Variants in CAV3 observed in about 807,000 individuals in gnomAD.
The protein encoded by CAV3 is caveolin 3.
Under a neutral mutation model 13.4 loss-of-function variants are expected in CAV3, and 10 were observed. The observed-to-expected ratio is 0.75, with a 90% CI of 0.46 to 1.27. CAV3 has a LOEUF of 1.27. Ranked by LOEUF, CAV3 falls within the 50% of genes most tolerant of loss-of-function variation. The probability of loss-of-function intolerance (pLI) is 0.00; values close to 1 mark genes in which losing one functional copy is unlikely to be tolerated. For synonymous variants in CAV3, 90 were observed against 79.0 expected, an observed-to-expected ratio of 1.14 and a Z score of -0.74; for missense variants, 162 against 194.0, an observed-to-expected ratio of 0.83 and a Z score of 0.98.
chr3:8,736,863 C>A (rs974781296), intron 1 of CAV3, among the ~76,000 whole-genome samples: 23 of 152,138 alleles, frequency 1.5e-4, no homozygotes, highest in Admixed American at 5.9e-4. Flanking sequence ...CTTTTTCTTT[C>A]TTTTATTTTT....
Position 8,733,981 on chromosome 3 carries a change from C to T in CAV3, c.105C>T (p.Asp35=), listed in dbSNP as rs934110580. ...GAGACCCCAAGAACATTAACGAGGACATAGTCAAGGTAGGCTCTGCAGGCC... is the reference window on the plus strand; with the variant it reads ...GAGACCCCAAGAACATTAACGAGGATATAGTCAAGGTAGGCTCTGCAGGCC... The part of the protein sequence containing the change: ...VNRDPKNINE[D]IVKVDFEDVI... Residue 35 remains aspartate (D), a synonymous_variant, in exon 1 of 2, where the codon GAC becomes GAT. Transcript: ENST00000343849. 1.9e-6 allele frequency: 3 copies of T among 1,597,940 alleles called. No individual in the cohort carries two copies. The highest frequency in any genetic ancestry group is 2.7e-5 in the African/African-American group (2 of 74,230).
chr3:8,741,533 T>A (rs956276357), intron 1 of CAV3, among the ~76,000 whole-genome samples: 1 of 152,080 alleles, frequency 6.6e-6, no homozygotes, highest in Admixed American at 6.5e-5. Flanking sequence ...CGTCTCTGTG[T>A]AGAGTTGAAA....
chr3:8,738,627 C>T (rs1177432841), intron 1 of CAV3, among the ~76,000 whole-genome samples: 1 of 152,138 alleles, frequency 6.6e-6, no homozygotes, highest in Non-Finnish European at 1.5e-5. Flanking sequence ...AGGTGGTATC[C>T]ATGGTGCATC....
intron 1 of CAV3, among the ~76,000 whole-genome samples, chr3:8,743,949 G>C (rs1258128901): frequency 6.6e-6 from 1 of 151,652 alleles, no homozygotes; most frequent in African/African-American, 2.4e-5. Context: ...TTTTAATATT[G>C]GTGATGCAAT....
chr3:8,741,048 T>C (rs1707941285), intron 1 of CAV3, among the ~76,000 whole-genome samples: 1 of 152,264 alleles, frequency 6.6e-6, no homozygotes, highest in African/African-American at 2.4e-5. Context: ...TACACAGTTG[T>C]ATTCTTTTGT....
chr3:8,737,383 C>T (rs185688142), intron 1 of CAV3, among the ~76,000 whole-genome samples: 7 of 152,278 alleles, frequency 4.6e-5, no homozygotes, highest in East Asian at 1.9e-4. Flanking sequence ...CCACCAGTCA[C>T]GGCCGTTTCA....
chr3:8,742,409 C>T, intron 1 of CAV3: 1 of 373,490 alleles, frequency 2.7e-6, no homozygotes. Flanking sequence ...TTAAAAGACA[C>T]ATACAGAAGC....
chr3:8,740,987 T>G (rs1048148669), intron 1 of CAV3, among the ~76,000 whole-genome samples: 1 of 152,236 alleles, frequency 6.6e-6, no homozygotes, highest in Non-Finnish European at 1.5e-5. Context: ...CAAACTGACA[T>G]GCATAAAGGG....
intron 1 of CAV3, among the ~76,000 whole-genome samples, chr3:8,734,192 A>G (rs1707667818): frequency 6.6e-6 from 1 of 151,948 alleles, no homozygotes; most frequent in Non-Finnish European, 1.5e-5. Flanking sequence ...AGCAAAATCA[A>G]GAGCAAAAAA....
At chr3:8,741,490 C>G (rs1475518052) in intron 1 of CAV3, among the ~76,000 whole-genome samples, 2 of 152,124 alleles carry the variant, frequency 1.3e-5, no homozygotes, top group Admixed American at 6.5e-5. Flanking sequence ...GACTCTGAAG[C>G]TAACTCCGTG....
intron 1 of CAV3, among the ~76,000 whole-genome samples, chr3:8,741,336 T>C (rs926541588): frequency 6.6e-6 from 1 of 152,224 alleles, no homozygotes; most frequent in Non-Finnish European, 1.5e-5. Context: ...CAAATTTCTA[T>C]GAATATTTCT....
At chr3:8,742,549 T>A (rs1708009740) in intron 1 of CAV3, 5 of 453,088 alleles carry the variant, frequency 1.1e-5, no homozygotes, top group Non-Finnish European at 2.2e-5. Context: ...TGGAGAATAA[T>A]CCGGGATGTC....
At chr3:8,737,612 G>A (rs1707801820) in intron 1 of CAV3, among the ~76,000 whole-genome samples, 1 of 152,134 alleles carries the variant, frequency 6.6e-6, no homozygotes. Context: ...GATTGTAGCT[G>A]AGGAACTGGG....
chr3:8,738,813 A>G (rs963189983), intron 1 of CAV3, among the ~76,000 whole-genome samples: 4 of 152,164 alleles, frequency 2.6e-5, no homozygotes, highest in African/African-American at 9.7e-5. Context: ...ACAATGGATC[A>G]CAGCACTGCT....
chr3:8,737,955 C>T (rs1707815012), intron 1 of CAV3, among the ~76,000 whole-genome samples: 1 of 152,094 alleles, frequency 6.6e-6, no homozygotes, highest in African/African-American at 2.4e-5. Context: ...GGGCTTAGGG[C>T]CACCTCACTG....
At chr3:8,734,118 T>C (rs1194858214) in intron 1 of CAV3, 128 bp downstream of exon 1, 1 of 692,888 alleles carries the variant, frequency 1.4e-6, no homozygotes, top group Non-Finnish European at 2.6e-6. Flanking sequence ...CTGTTGTCTC[T>C]GTATCACCCC....
intron 1 of CAV3, among the ~76,000 whole-genome samples, chr3:8,735,707 A>G (rs1707730795): frequency 6.6e-6 from 1 of 152,080 alleles, no homozygotes; most frequent in Admixed American, 6.6e-5. Flanking sequence ...TCTGGCCCCA[A>G]CCTGCTTCTT....
chr3:8,735,447 T>G (rs527432787), intron 1 of CAV3, among the ~76,000 whole-genome samples: 2 of 152,250 alleles, frequency 1.3e-5, no homozygotes, highest in African/African-American at 4.8e-5. Context: ...AAAATGTACA[T>G]GTGAAAATCG....
In CAV3 at chr3:8,745,918, G is replaced by A; in HGVS notation, c.*51G>A. The A allele has an allele frequency of 6.8e-7, 1 of 1,472,990 alleles. No individual in the cohort carries two copies. Among genetic ancestry groups the A allele is most frequent in the Non-Finnish European group, 9.3e-7 (1 of 1,070,720 alleles). The allele number at this position is 1,472,990 out of a possible 1,614,324, so 91.2% of individuals were successfully genotyped here. ...AGGGCAGGGGGTGGTGGGCCAGACT[G>A]GTCCCCGGGGGACTTCTTCACAGGG... On this transcript the variant is annotated 3_prime_UTR_variant, in exon 2 of 2. Transcript: ENST00000343849. The surrounding 1 kb of genome is among the most constrained non-coding windows in gnomAD (Gnocchi z 4.8).
Sources: allele counts gnomAD v4.1 joint callset (sites outside exome capture counted in the v4.1 genomes callset), GRCh38; gene constraint gnomAD v4.1.1; non-coding constraint Gnocchi (gnomAD v3.1); transcripts MANE v1.5; gene names NCBI Gene and HGNC (gene_info 2026-07-23, HGNC 2026-07-21).